CRY1: variants seen among roughly 807,000 people sequenced by gnomAD.
The protein encoded by CRY1 is cryptochrome-1.
A neutral mutation model predicts 76.0 loss-of-function variants in CRY1; 45 were observed. The observed-to-expected ratio is 0.59, with a 90% CI of 0.47 to 0.76. CRY1 has a LOEUF of 0.76. Ranked by LOEUF, CRY1 falls within the 30% of genes least tolerant of loss-of-function variation. CRY1 has a pLI of 0.00. For synonymous variants in CRY1, 248 were observed against 244.0 expected, an observed-to-expected ratio of 1.02 and a Z score of -0.15; for missense variants, 587 against 716.4, an observed-to-expected ratio of 0.82 and a Z score of 2.06.
At chr12:107,082,109 T>C (rs1206614793) in intron 1 of CRY1, among the ~76,000 whole-genome samples, 1 of 152,052 alleles carries the variant, frequency 6.6e-6, no homozygotes, top group Non-Finnish European at 1.5e-5. Context: ...AGAAGGGCAT[T>C]ACACAATGGT....
chr12:107,028,816 T>C (rs1460765951), intron 1 of CRY1, among the ~76,000 whole-genome samples: 1 of 152,156 alleles, frequency 6.6e-6, no homozygotes, highest in Non-Finnish European at 1.5e-5. Context: ...CCTTTGGTGA[T>C]GTGATTTTCT....
At chr12:107,084,627 A>G (rs1429154903) in intron 1 of CRY1, among the ~76,000 whole-genome samples, 1 of 152,192 alleles carries the variant, frequency 6.6e-6, no homozygotes, top group Non-Finnish European at 1.5e-5. Flanking sequence ...ATATGCAGAA[A>G]ACTGAAACTG....
rs183346380 is a variant in CRY1, at chr12:107,089,548, G to C, written c.158+3256C>G. Reference sequence around the variant, plus strand: ...AACATCCTTTTTAAATGAAAGGATGGCAATATCAAAAAGTGGTTTTGTTAA... The same window carrying C: ...AACATCCTTTTTAAATGAAAGGATGCCAATATCAAAAAGTGGTTTTGTTAA... On this transcript the variant is annotated intron_variant, in intron 1 of 12. Transcript: ENST00000008527. Among the ~76,000 whole-genome samples the C allele has an allele frequency of 2.5e-4, 38 of 152,002 alleles. 1 individual carries two copies. Among genetic ancestry groups the C allele is most frequent in the African/African-American group, 8.7e-4 (36 of 41,460 alleles).
In CRY1 at chr12:106,992,630, G is replaced by T. The variant is rs974792732; in HGVS notation, c.*157C>A. On this transcript the variant is annotated intron_variant, in intron 12 of 12. Coordinates refer to ENST00000008527, the MANE Select transcript of CRY1 (RefSeq NM_004075.5). Reference sequence around the variant, plus strand: ...TCTCCAGTACAGATGCATGTCTCTTGACCAAAAATTAACTGAGTTTGTAAA... The same window carrying T: ...TCTCCAGTACAGATGCATGTCTCTTTACCAAAAATTAACTGAGTTTGTAAA... The T allele has an allele frequency of 1.7e-5, 11 of 641,212 alleles. No individual in the cohort carries two copies. In the Admixed American group the frequency reaches 1.7e-4, roughly 10 times the overall value. 39.7% of individuals were successfully genotyped at this position (641,212 alleles called of 1,614,324 possible). A position where few individuals can be genotyped will look rare whatever the true frequency, so the allele number is the denominator to read the frequency against.
chr12:107,030,022 GA>G (rs1466502596), intron 1 of CRY1, among the ~76,000 whole-genome samples: 3 of 152,142 alleles, frequency 2.0e-5, no homozygotes, highest in African/African-American at 4.8e-5. Context: ...TGGAGATAAG[GA>G]AGGAGAATTA....
chr12:107,032,228 CCG>C (rs778831615), intron 1 of CRY1, among the ~76,000 whole-genome samples: 339 of 152,268 alleles, frequency 2.2e-3, no homozygotes, highest in Non-Finnish European at 3.9e-3. Context: ...GCCACCACGC[CCG>C]GCCAGTACTA....
intron 1 of CRY1, among the ~76,000 whole-genome samples, chr12:107,077,140 C>G (rs931046372): frequency 6.6e-6 from 1 of 151,852 alleles, no homozygotes; most frequent in Non-Finnish European, 1.5e-5. Context: ...TCACACCCAG[C>G]ACTCCCCAAC....
chr12:107,028,233 A>G (rs991294988), intron 1 of CRY1, among the ~76,000 whole-genome samples: 1 of 152,174 alleles, frequency 6.6e-6, no homozygotes, highest in Non-Finnish European at 1.5e-5. Context: ...GAGATTTAAA[A>G]AATATAACAA....
intron 1 of CRY1, among the ~76,000 whole-genome samples, chr12:107,085,033 A>G (rs1953379920): frequency 6.6e-6 from 1 of 152,162 alleles, no homozygotes; most frequent in Admixed American, 6.5e-5. Flanking sequence ...TTCTCAAAAG[A>G]CATTTATGTG....
Position 107,001,928 on chromosome 12 carries a change from C to T in CRY1, c.431G>A (p.Gly144Glu), listed in dbSNP as rs78310335. The T allele has an allele frequency of 6.3e-7, 1 of 1,595,406 alleles. No individual in the cohort carries two copies. The highest frequency in any genetic ancestry group is 8.5e-7 in the Non-Finnish European group (1 of 1,174,518). ...DLDKIIELNG[G>E]QPPLTYKRFQ... ...TCTTTTATAAGTTAGAGGCGGTTGT[C>T]CACCATTGAGTTCTATGATCCTATA... is the stretch of plus-strand genomic sequence containing the variant. Residue 144 changes from glycine to glutamate, a missense_variant, in exon 4 of 13, where the codon GGA becomes GAA. Coordinates refer to ENST00000008527, the MANE Select transcript of CRY1 (RefSeq NM_004075.5).
chr12:107,088,315 G>A (rs1016600409), intron 1 of CRY1, among the ~76,000 whole-genome samples: 3 of 152,150 alleles, frequency 2.0e-5, no homozygotes, highest in African/African-American at 7.2e-5. Context: ...CATGTGATAT[G>A]TCAGCTCCAC....
intron 2 of CRY1, among the ~76,000 whole-genome samples, chr12:107,009,551 A>C (rs1306879879): frequency 1.1e-4 from 5 of 46,320 alleles, no homozygotes; most frequent in South Asian, 1.0e-3. Flanking sequence ...AAAAAACAAA[A>C]AAACAAAAAA....
intron 1 of CRY1, among the ~76,000 whole-genome samples, chr12:107,066,384 T>C (rs999193721): frequency 6.6e-6 from 1 of 152,218 alleles, no homozygotes; most frequent in African/African-American, 2.4e-5. Context: ...TATCTTTAAA[T>C]GTACATAGAG....
intron 1 of CRY1, chr12:107,072,930 C>T (rs1166749160): frequency 6.6e-6 from 1 of 152,102 alleles, no homozygotes; most frequent in Non-Finnish European, 1.5e-5. Flanking sequence ...CTTATATTTA[C>T]TTACCTCACT....
rs556833014 is a variant in CRY1, at chr12:107,051,704, A to G, written c.159-29512T>C. On this transcript the variant is annotated intron_variant, in intron 1 of 12. Transcript: ENST00000008527. Reference sequence around the variant, plus strand: ...GTGACAGCAGCATAAAATGATCTGTAATAGAAGTATATATACCTTCTAGAG... The same window carrying G: ...GTGACAGCAGCATAAAATGATCTGTGATAGAAGTATATATACCTTCTAGAG... Among the ~76,000 whole-genome samples, 9 of 152,312 alleles carry G rather than the reference A, an allele frequency of 5.9e-5. No homozygotes were observed. The East Asian group carries it at 1.7e-3, about 29-fold the overall frequency.
intron 1 of CRY1, among the ~76,000 whole-genome samples, chr12:107,061,779 G>A (rs749236043): frequency 1.9e-4 from 29 of 151,994 alleles, no homozygotes; most frequent in Non-Finnish European, 3.1e-4. Flanking sequence ...ATATCCACTA[G>A]CATATCATTA....
At chr12:107,067,064 T>G (rs189961970) in intron 1 of CRY1, among the ~76,000 whole-genome samples, 5 of 152,222 alleles carry the variant, frequency 3.3e-5, no homozygotes, top group Non-Finnish European at 7.4e-5. Context: ...CCCACCTTGG[T>G]CTCTCAAAAG....
chr12:107,065,895 C>A (rs533874080), intron 1 of CRY1, among the ~76,000 whole-genome samples: 1 of 152,174 alleles, frequency 6.6e-6, no homozygotes, highest in Non-Finnish European at 1.5e-5. Flanking sequence ...CAAGGAAGTA[C>A]ACATGCTCAA....
rs544909616 is a variant in CRY1, at chr12:107,039,062, T to C, written c.159-16870A>G. Among the ~76,000 whole-genome samples the C allele has an allele frequency of 4.6e-5, 7 of 152,206 alleles. No individual in the cohort carries two copies. The East Asian group carries it at 1.4e-3, about 29-fold the overall frequency. On this transcript the variant is annotated intron_variant, in intron 1 of 12. Coordinates refer to ENST00000008527, the MANE Select transcript of CRY1 (RefSeq NM_004075.5). ...ATCACTTGAACCTGGAAGGCGGAAG[T>C]TGCAGTGAGCCGGGATCGTGCCATT... is the stretch of plus-strand genomic sequence containing the variant.
Sources: gnomAD v4.1 joint callset for allele counts (sites outside exome capture counted in the v4.1 genomes callset) on GRCh38, gnomAD v4.1.1 for gene constraint, MANE v1.5 for transcripts, NCBI Gene and HGNC (gene_info 2026-07-23, HGNC 2026-07-21) for gene names.